The following OR4P4 variants were observed in gnomAD, a reference collection of about 807,000 sequenced individuals.
OR4P4 encodes the protein olfactory receptor 4P4.
In OR4P4, 1 loss-of-function variant was observed where a neutral mutation model predicts 2.1. That is an observed-to-expected ratio of 0.47 (90% CI 0.17 to 2.21). The LOEUF is 2.21. Among genes scored for constraint, OR4P4 ranks in the 30% most tolerant of loss-of-function variants. The pLI is 0.27. For missense variants in OR4P4, 375 were observed against 376.5 expected, an observed-to-expected ratio of 1.00 and a Z score of 0.03; for synonymous variants, 129 against 133.2, an observed-to-expected ratio of 0.97 and a Z score of 0.22.
At chr11:55,639,067 C>G (rs746975373) in exon 2 of OR4P4, 2 of 1,491,604 alleles carry the variant, frequency 1.3e-6, no homozygotes, top group South Asian at 2.4e-5. Context: ...GCTCTTGCCA[C>G]TTGTAGTTCT....
At position 55,640,251 on chromosome 11, in the gene OR4P4, T is replaced by G; in HGVS notation, c.*955T>G. On this transcript the variant is annotated 3_prime_UTR_variant, in exon 2 of 2. Coordinates refer to ENST00000641760, the Ensembl canonical transcript of OR4P4. ...TTGCTGCGTGTGTGTCTTCTTAGTG[T>G]TTCATTTGTGAGTCATTTCTCATGT... The G allele has an allele frequency of 1.5e-5, 2 of 136,874 alleles. 1 individual carries two copies. The highest frequency in any genetic ancestry group is 3.2e-5 in the Non-Finnish European group (2 of 61,992). 8.5% of individuals were successfully genotyped at this position (136,874 alleles called of 1,614,324 possible). A position where few individuals can be genotyped will look rare whatever the true frequency, so the allele number is the denominator to read the frequency against.
At position 55,639,086 on chromosome 11, in the gene OR4P4, T is replaced by G. The variant is rs57403436; in HGVS notation, c.729T>G (p.Ile243Met). 6,285 of 1,492,946 alleles carry G rather than the reference T, an allele frequency of 4.2e-3. 858 individuals are homozygous for G. The African/African-American group carries it at 0.075, about 18-fold the overall frequency. The allele number at this position is 1,492,946 out of a possible 1,614,324, so 92.5% of individuals were successfully genotyped here. A position where few individuals can be genotyped will look rare whatever the true frequency, so the allele number is the denominator to read the frequency against. ...TTGCCACTTGTAGTTCTCATGTAAT[T>G]GTTGTGGTCCTGTTTTTTGCACCTG... The change falls in exon 2 of 2, where the codon ATT (isoleucine) becomes ATG (methionine). Residue 243 changes from isoleucine (I) to methionine (M), a missense_variant. By Grantham distance (10) the Ile-to-Met change is conservative (BLOSUM62 1). Coordinates refer to ENST00000641760, the Ensembl canonical transcript of OR4P4.
chr11:55,639,637 C>G, exon 2 of OR4P4: 1 of 197,488 alleles, frequency 5.1e-6, no homozygotes, highest in South Asian at 1.1e-4. Flanking sequence ...AAATATTACT[C>G]TCAGCTTTTA....
At chr11:55,638,869 A>G (rs1858423732) in exon 2 of OR4P4, 1 of 1,493,704 alleles carries the variant, frequency 6.7e-7, no homozygotes, top group African/African-American at 1.4e-5. Context: ...GGCCCAAATG[A>G]GATAGATCAC....
rs1043366664 is a variant in OR4P4, at chr11:55,638,143, T to C, written c.-30-185T>C. Among the ~76,000 whole-genome samples, 5 of 137,324 alleles carry C rather than the reference T, an allele frequency of 3.6e-5. 1 individual carries two copies. The highest frequency in any genetic ancestry group is 3.2e-4 in the Admixed American group (4 of 12,550). The allele number at this position is 137,324 out of a possible 152,430, so 90.1% of individuals were successfully genotyped here. A position where few individuals can be genotyped will look rare whatever the true frequency, so the allele number is the denominator to read the frequency against. On this transcript the variant is annotated intron_variant, in intron 1 of 1. Coordinates refer to ENST00000641760, the Ensembl canonical transcript of OR4P4. Reference sequence around the variant, plus strand: ...TGATCACAGTGTGCTAGAGAGCTAATGGAAATCATCTAGTATATATATACA... The same window carrying C: ...TGATCACAGTGTGCTAGAGAGCTAACGGAAATCATCTAGTATATATATACA...
At position 55,638,489 on chromosome 11, in the gene OR4P4, G is replaced by A. The variant is rs865781161; in HGVS notation, c.132G>A (p.Met44Ile). The A allele has an allele frequency of 1.4e-6, 2 of 1,480,726 alleles. 1 individual carries two copies. Among genetic ancestry groups the A allele is most frequent in the Non-Finnish European group, 1.8e-6 (2 of 1,087,260 alleles). 91.7% of individuals were successfully genotyped at this position (1,480,726 alleles called of 1,614,324 possible). A position where few individuals can be genotyped will look rare whatever the true frequency, so the allele number is the denominator to read the frequency against. Residue 44 changes from methionine to isoleucine, a missense_variant, in exon 2 of 2, where the codon ATG (methionine) becomes ATA (isoleucine). Met to Ile is a conservative substitution (Grantham distance 10). Coordinates refer to ENST00000641760, the Ensembl canonical transcript of OR4P4. ...TTTGGATGGGAAACTTACTCATAAT[G>A]ATTTCTATCACGTGCACCCAGCTCA... is the stretch of plus-strand genomic sequence containing the variant.
At position 55,639,234 on chromosome 11, in the gene OR4P4, A is replaced by C. The variant is rs1367484443; in HGVS notation, c.877A>C (p.Lys293Gln). The C allele has an allele frequency of 4.0e-6, 6 of 1,487,946 alleles. 1 individual carries two copies. The highest frequency in any genetic ancestry group is 5.5e-6 in the Non-Finnish European group (6 of 1,094,964). 92.2% of individuals were successfully genotyped at this position (1,487,946 alleles called of 1,614,324 possible). ...ATACACGCTGAGAAACACAGAGATG[A>C]AGAACGCCATGAGGAAAGTGTGGTG... The change falls in exon 2 of 2, where the codon AAG becomes CAG. Residue 293 changes from lysine to glutamine, a missense_variant. Coordinates refer to ENST00000641760, the Ensembl canonical transcript of OR4P4.
At chr11:55,639,223 A>C (rs1400530670) in exon 2 of OR4P4, 1 of 1,489,380 alleles carries the variant, frequency 6.7e-7, no homozygotes. Flanking sequence ...ACGCTGAGAA[A>C]CACAGAGATG....
At chr11:55,637,381 C>T (rs1858400835) in intron 1 of OR4P4, among the ~76,000 whole-genome samples, 1 of 137,904 alleles carries the variant, frequency 7.3e-6, no homozygotes, top group Non-Finnish European at 1.6e-5. Flanking sequence ...TTATAATTTT[C>T]TTCTTCAAAT....
exon 2 of OR4P4, chr11:55,640,152 T>A (rs1270210470): frequency 7.5e-6 from 1 of 133,366 alleles, no homozygotes; most frequent in Non-Finnish European, 1.6e-5. Context: ...ATAATAATAA[T>A]GATAATAATA....
At position 55,638,554 on chromosome 11, in the gene OR4P4, T is replaced by C; in HGVS notation, c.197T>C (p.Leu66Pro). 8 of 1,481,328 alleles carry C rather than the reference T, an allele frequency of 5.4e-6. 2 individuals carry two copies. Among genetic ancestry groups the C allele is most frequent in the South Asian group, 1.2e-5 (1 of 84,040 alleles). The allele number at this position is 1,481,328 out of a possible 1,614,324, so 91.8% of individuals were successfully genotyped here. Reference sequence around the variant, plus strand: ...TATTTCTTCCTCAATTACCTCTCACTCTCCGACCTTTGCTACACATCCACA... The same window carrying C: ...TATTTCTTCCTCAATTACCTCTCACCCTCCGACCTTTGCTACACATCCACA... Residue 66 changes from leucine (L) to proline (P), a missense_variant, in exon 2 of 2, where the codon CTC becomes CCC. By Grantham distance (98) the Leu-to-Pro change is moderately conservative. Transcript: ENST00000641760.
Position 55,636,940 on chromosome 11 carries a change from G to A in OR4P4, c.-30-1388G>A, listed in dbSNP as rs1404446396. Among the ~76,000 whole-genome samples the A allele has an allele frequency of 2.3e-4, 32 of 137,392 alleles. 4 individuals carry two copies. Among genetic ancestry groups the A allele is most frequent in the African/African-American group, 7.0e-4 (28 of 39,886 alleles). 90.1% of individuals were successfully genotyped at this position (137,392 alleles called of 152,430 possible). A position where few individuals can be genotyped will look rare whatever the true frequency, so the allele number is the denominator to read the frequency against. ...TAGTGGCTGAATTAAGACAAGTAAC[G>A]GGGATTGCCTCCAAATTATAAAGCA... On this transcript the variant is annotated intron_variant, in intron 1 of 1. Transcript: ENST00000641760.
At chr11:55,640,285 T>G (rs1858442873) in exon 2 of OR4P4, 1 of 136,760 alleles carries the variant, frequency 7.3e-6, no homozygotes, top group Admixed American at 8.0e-5. Context: ...GTTGGTAAGT[T>G]TTCTGACTGT....
rs765931099 is a variant in OR4P4 at position 55,638,701 on chromosome 11, G to T, written c.344G>T (p.Gly115Val). The T allele has an allele frequency of 2.0e-6, 3 of 1,491,392 alleles. 1 individual carries two copies. The highest frequency in any genetic ancestry group is 2.7e-6 in the Non-Finnish European group (3 of 1,096,092). 92.4% of individuals were successfully genotyped at this position (1,491,392 alleles called of 1,614,324 possible). The change falls in exon 2 of 2, where the codon GGG becomes GTG. Residue 115 changes from glycine (G) to valine (V), a missense_variant. Gly to Val is a moderately radical substitution (Grantham distance 109). Transcript: ENST00000641760. ...GGCATAGAGATCTTCATTCTCACAGGGATGGCCTATGACCGCTATGTGGCC... is the reference window on the plus strand; with the variant it reads ...GGCATAGAGATCTTCATTCTCACAGTGATGGCCTATGACCGCTATGTGGCC...
At chr11:55,637,655 T>A (rs1224984391) in intron 1 of OR4P4, among the ~76,000 whole-genome samples, 3 of 137,970 alleles carry the variant, frequency 2.2e-5, no homozygotes, top group Non-Finnish European at 4.8e-5. Flanking sequence ...GGGCTGAAAA[T>A]GTATATTATA....
At chr11:55,638,942 C>T in exon 2 of OR4P4, 1 of 1,484,578 alleles carries the variant, frequency 6.7e-7, no homozygotes, top group Non-Finnish European at 9.2e-7. Flanking sequence ...TGATAGGTCT[C>T]TTAGTCATTG....
At position 55,637,815 on chromosome 11, in the gene OR4P4, A is replaced by T. The variant is rs1190919512; in HGVS notation, c.-30-513A>T. Among the ~76,000 whole-genome samples the T allele has an allele frequency of 3.6e-5, 5 of 138,542 alleles. 1 individual carries two copies. The East Asian group carries it at 1.2e-3, about 33-fold the overall frequency. The allele number at this position is 138,542 out of a possible 152,430, so 90.9% of individuals were successfully genotyped here. On this transcript the variant is annotated intron_variant, in intron 1 of 1. Transcript: ENST00000641760. ...CTAACAACTTAAGATATGTTTGTTC[A>T]CCACCTACAACGTTGGTTTTAGTTT...
chr11:55,639,187 C>T (rs758248551), exon 2 of OR4P4: 2 of 1,486,972 alleles, frequency 1.3e-6, no homozygotes, highest in Admixed American at 2.0e-5. Flanking sequence ...ACCATCATTG[C>T]TCCCATGTTC....
chr11:55,638,145 G>T (rs1858409873), intron 1 of OR4P4, among the ~76,000 whole-genome samples, 183 bp from the exon 2 acceptor site: 2 of 136,700 alleles, frequency 1.5e-5, no homozygotes, highest in Admixed American at 8.0e-5. Flanking sequence ...AGAGCTAATG[G>T]AAATCATCTA....
Sources: allele counts gnomAD v4.1 joint callset (sites outside exome capture counted in the v4.1 genomes callset), GRCh38; gene constraint gnomAD v4.1.1; transcripts MANE v1.5; gene names NCBI Gene and HGNC (gene_info 2026-07-23, HGNC 2026-07-21).